Variants in PTPN5 observed in about 807,000 individuals in gnomAD.
PTPN5 encodes the protein protein tyrosine phosphatase non-receptor type 5, also known as tyrosine-protein phosphatase non-receptor type 5.
A neutral mutation model predicts 73.9 loss-of-function variants in PTPN5; 29 were observed. That is an observed-to-expected ratio of 0.39 (90% CI 0.29 to 0.54). PTPN5 has a LOEUF of 0.54. PTPN5 is among the 20% of genes least tolerant of loss of function. The pLI is 0.65. For missense variants in PTPN5, 652 were observed against 751.4 expected, an observed-to-expected ratio of 0.87 and a Z score of 1.55; for synonymous variants, 267 against 304.7, an observed-to-expected ratio of 0.88 and a Z score of 1.29.
chr11:18,748,773 G>A lies in PTPN5; in HGVS notation c.98-4574C>T, dbSNP rs531566514. Among the ~76,000 whole-genome samples, 295 of 152,222 alleles carry A rather than the reference G, an allele frequency of 1.9e-3. 3 individuals carry two copies. Among genetic ancestry groups the A allele is most frequent in the Middle Eastern group, 6.8e-3 (2 of 294 alleles). On this transcript the variant is annotated intron_variant, in intron 3 of 14. Transcript: ENST00000358540. ...GTCCAACACACATTTATTAAGCGCCGATTATACGTCAAGCACTGGGAACAC... is the reference window on the plus strand; with the variant it reads ...GTCCAACACACATTTATTAAGCGCCAATTATACGTCAAGCACTGGGAACAC...
chr11:18,743,019 G>A lies in PTPN5; in HGVS notation c.456C>T (p.Ser152=), dbSNP rs1453472592. 6 of 1,551,614 alleles carry A rather than the reference G, an allele frequency of 3.9e-6. No homozygotes were observed. Among genetic ancestry groups the A allele is most frequent in the Admixed American group, 2.0e-5 (1 of 51,022 alleles). The change falls in exon 6 of 15, where the codon TCC becomes TCT. Residue 152 remains serine, a synonymous_variant. Transcript: ENST00000358540. ...GGGTGGTAACGAGGACCAGGCCCAC[G>A]GACAGAAAGACCAGCAGCAGACTGG... The part of the protein sequence containing the change: ...GVPSLLLVFL[S]VGLVLVTTLV...
rs189504055 is a variant in PTPN5, at chr11:18,772,181, T to G, written c.-113-110A>C. 230 of 531,130 alleles carry G rather than the reference T, an allele frequency of 4.3e-4. 1 individual carries two copies. The East Asian group carries it at 7.9e-3, about 18-fold the overall frequency. 32.9% of individuals were successfully genotyped at this position (531,130 alleles called of 1,614,324 possible). ...CCTGATTTCCTTCTGGGAGTCACCT[T>G]TCTCCTCCCCTGGTGCCCTGCTTGC... On this transcript the variant is annotated intron_variant, in intron 1 of 14. Coordinates refer to ENST00000358540, the MANE Select transcript of PTPN5 (RefSeq NM_006906.2).
At chr11:18,767,852 C>T (rs898849845) in intron 2 of PTPN5, among the ~76,000 whole-genome samples, 3 of 152,208 alleles carry the variant, frequency 2.0e-5, no homozygotes, top group East Asian at 3.8e-4. Context: ...TCCAGGCTTA[C>T]CCTAAGTCCC....
intron 3 of PTPN5, among the ~76,000 whole-genome samples, chr11:18,744,652 G>T (rs1849535428): frequency 6.6e-6 from 1 of 152,050 alleles, no homozygotes; most frequent in African/African-American, 2.4e-5. Context: ...CCCTAACTGG[G>T]GCTGGAGGCT....
At chr11:18,744,648 C>G (rs1007524526) in intron 3 of PTPN5, among the ~76,000 whole-genome samples, 4 of 152,144 alleles carry the variant, frequency 2.6e-5, no homozygotes, top group Non-Finnish European at 5.9e-5. Context: ...CATGCCCTAA[C>G]TGGGGCTGGA....
At chr11:18,757,548 G>A (rs943157675) in intron 3 of PTPN5, among the ~76,000 whole-genome samples, 2 of 152,184 alleles carry the variant, frequency 1.3e-5, no homozygotes, top group Admixed American at 1.3e-4. Flanking sequence ...TGGACCTGGT[G>A]GCCCTCTTTT....
chr11:18,760,507 T>C (rs1850339467), intron 3 of PTPN5, among the ~76,000 whole-genome samples: 1 of 152,124 alleles, frequency 6.6e-6, no homozygotes, highest in Non-Finnish European at 1.5e-5. Flanking sequence ...TGGGGACAGG[T>C]TGCAAGACAT....
chr11:18,749,085 G>A (rs144280940), intron 3 of PTPN5, among the ~76,000 whole-genome samples: 2 of 152,192 alleles, frequency 1.3e-5, no homozygotes, highest in Non-Finnish European at 1.5e-5. Flanking sequence ...ATACGCAATT[G>A]CATTTGCTTC....
At chr11:18,779,888 G>A (rs943995302) in intron 1 of PTPN5, among the ~76,000 whole-genome samples, 1 of 152,208 alleles carries the variant, frequency 6.6e-6, no homozygotes, top group African/African-American at 2.4e-5. Context: ...TAACCTCTCT[G>A]AGTCTCAATT....
At position 18,742,502 on chromosome 11, in the gene PTPN5, A is replaced by C; in HGVS notation, c.485T>G (p.Val162Gly). 2.5e-6 allele frequency: 4 copies of C among 1,612,966 alleles called. No individual in the cohort carries two copies. The highest frequency in any genetic ancestry group is 3.4e-6 in the Non-Finnish European group (4 of 1,179,968). ...SVGLVLVTTL[V>G]WHLLRTPPEP... Reference sequence around the variant, plus strand: ...TGGGGGTGTCCTCAGGAGGTGCCACACCTGGTTGGGGTGTACAGCATCACA... The same window carrying C: ...TGGGGGTGTCCTCAGGAGGTGCCACCCCTGGTTGGGGTGTACAGCATCACA... The change falls in exon 7 of 15, where the codon GTG (valine) becomes GGG (glycine). Residue 162 changes from valine to glycine, a missense_variant and splice_region_variant. Transcript: ENST00000358540. The surrounding 1 kb of genome is among the most constrained non-coding windows in gnomAD (Gnocchi z 4.1).
intron 3 of PTPN5, among the ~76,000 whole-genome samples, chr11:18,745,917 G>T (rs1849597059): frequency 6.6e-6 from 1 of 151,882 alleles, no homozygotes; most frequent in Admixed American, 6.6e-5. Context: ...ACTTGCCATG[G>T]GTTGTAAAAT....
intron 2 of PTPN5, among the ~76,000 whole-genome samples, chr11:18,767,331 C>T (rs904485532): frequency 2.0e-5 from 3 of 152,036 alleles, no homozygotes; most frequent in African/African-American, 7.2e-5. Flanking sequence ...TATTTTTTTC[C>T]TCAACCCAAT....
chr11:18,743,013 GC>G lies in PTPN5; in HGVS notation c.461del (p.Gly154AlafsTer13). On this transcript the variant is annotated frameshift_variant, in exon 6 of 15. Transcript: ENST00000358540. LOFTEE classifies it high-confidence loss of function. ...TTACCAGGGTGGTAACGAGGACCAGGCCCACGGACAGAAAGACCAGCAGCAG... is the reference window on the plus strand; with the variant it reads ...TTACCAGGGTGGTAACGAGGACCAGGCCACGGACAGAAAGACCAGCAGCAG... ...PSLLLVFLSV[G>X]LVLVTTLVWH... The G allele has an allele frequency of 6.4e-7, 1 of 1,551,604 alleles. No homozygotes were observed. Among genetic ancestry groups the G allele is most frequent in the Non-Finnish European group, 8.7e-7 (1 of 1,146,810 alleles).
intron 3 of PTPN5, 162 bp from the exon 4 acceptor site, chr11:18,744,361 C>A: frequency 2.0e-6 from 1 of 494,064 alleles, no homozygotes; most frequent in Non-Finnish European, 3.4e-6. Context: ...TATTCACCTA[C>A]CTTCGTCAGA....
At chr11:18,756,935 A>C (rs200723363) in intron 3 of PTPN5, among the ~76,000 whole-genome samples, 1 of 75,260 alleles carries the variant, frequency 1.3e-5, no homozygotes. Context: ...AAAAAAAAAA[A>C]ACCAAAAAAC....
chr11:18,774,786 TCTTCTCAGGGCCA>T (rs1238047457), intron 1 of PTPN5, among the ~76,000 whole-genome samples: 4 of 152,228 alleles, frequency 2.6e-5, no homozygotes, highest in African/African-American at 4.8e-5. Context: ...CCTCCCAGCC[TCTTCTCAGGGCCA>T]CTTTGGCTTT....
chr11:18,742,190 G>A lies in PTPN5; in HGVS notation c.725+72C>T, dbSNP rs533998236. Reference sequence around the variant, plus strand: ...CCTGGGCACCAGGAGTCAGAGTCAGGCATCCACTCTTCTGATCAGGAGCTA... The same window carrying A: ...CCTGGGCACCAGGAGTCAGAGTCAGACATCCACTCTTCTGATCAGGAGCTA... On this transcript the variant is annotated intron_variant, in intron 7 of 14. Coordinates refer to ENST00000358540, the MANE Select transcript of PTPN5 (RefSeq NM_006906.2). This position sits in a 1 kb window ranked among gnomAD's most constrained non-coding sequence, Gnocchi z 4.1. The A allele has an allele frequency of 2.5e-6, 4 of 1,585,490 alleles. No homozygotes were observed. In the Admixed American group the frequency reaches 5.1e-5, roughly 20 times the overall value.
chr11:18,791,772 C>A lies in PTPN5; in HGVS notation c.-361G>T, dbSNP rs1217692492. 6.6e-6 allele frequency: 1 copy of A among 152,048 alleles called. No individual in the cohort carries two copies. The highest frequency in any genetic ancestry group is 1.5e-5 in the Non-Finnish European group (1 of 68,030). 9.4% of individuals were successfully genotyped at this position (152,048 alleles called of 1,614,324 possible). ...TGCGCGCTCCCTCGCCCGACCGCCT[C>A]ACCAAATGCGCTTCAGCTGCAGAGT... On this transcript the variant is annotated 5_prime_UTR_variant, in exon 1 of 15. Transcript: ENST00000358540.
chr11:18,790,613 T>G (rs937222559), intron 1 of PTPN5, among the ~76,000 whole-genome samples: 2 of 151,460 alleles, frequency 1.3e-5, no homozygotes. Flanking sequence ...TTTGGTACCA[T>G]AGGTAGGGAA....
Sources: gnomAD v4.1 joint callset for allele counts (sites outside exome capture counted in the v4.1 genomes callset) on GRCh38, gnomAD v4.1.1 for gene constraint, Gnocchi (gnomAD v3.1) non-coding constraint, MANE v1.5 for transcripts, NCBI Gene and HGNC (gene_info 2026-07-23, HGNC 2026-07-21) for gene names.